Variants in PALM observed in about 807,000 individuals in gnomAD.
PALM encodes paralemmin-1.
In PALM, 18 loss-of-function variants were observed where a neutral mutation model predicts 30.7. The ratio of observed to expected loss-of-function variants is 0.59; its 90% CI spans 0.41 to 0.87. PALM has a LOEUF of 0.87. PALM is among the 40% of genes least tolerant of loss of function. The pLI is 0.00. For missense variants in PALM, 529 were observed against 555.4 expected (o/e 0.95, Z 0.48); for synonymous variants, 286 against 242.8 (o/e 1.18, Z -1.66).
At chr19:721,393 G>T (rs1256568646) in intron 1 of PALM, among the ~76,000 whole-genome samples, 1 of 152,050 alleles carries the variant, frequency 6.6e-6, no homozygotes, top group Non-Finnish European at 1.5e-5. Flanking sequence ...AGCCTCCCGA[G>T]TAGCTGGGAT....
Position 734,380 on chromosome 19 carries a change from C to T in PALM, c.442+186C>T, listed in dbSNP as rs545679532. On this transcript the variant is annotated intron_variant, in intron 6 of 8. Coordinates refer to ENST00000338448, the MANE Select transcript of PALM (RefSeq NM_002579.3). ...TTCGAGACCAGCCTGACCAACATGG[C>T]GAAACTCAGTGTCTACTGAAAAAAT... is the stretch of plus-strand genomic sequence containing the variant. 206 of 591,300 alleles carry T rather than the reference C, an allele frequency of 3.5e-4. 2 individuals are homozygous for T. In the East Asian group the frequency reaches 6.0e-3, roughly 17 times the overall value. 36.6% of individuals were successfully genotyped at this position (591,300 alleles called of 1,614,324 possible).
intron 2 of PALM, 55 bp downstream of exon 2, chr19:726,244 C>T (rs778209021): frequency 2.6e-5 from 39 of 1,511,516 alleles, no homozygotes; most frequent in Non-Finnish European, 3.6e-5. Flanking sequence ...GTGGGGGGAC[C>T]TGGGGTCTCG....
Position 736,017 on chromosome 19 carries a change from A to C in PALM, c.443-2A>C. The C allele has an allele frequency of 6.2e-7, 1 of 1,608,904 alleles. No individual in the cohort carries two copies. The highest frequency in any genetic ancestry group is 8.5e-7 in the Non-Finnish European group (1 of 1,177,384). On this transcript the variant is annotated splice_acceptor_variant, in intron 6 of 8. Transcript: ENST00000338448. LOFTEE classifies it high-confidence loss of function. Reference sequence around the variant, plus strand: ...CTCTCTCCGCTTCCACCTCCCGTGCAGACAAGCGAGTCTCCAACACGCCCC... The same window carrying C: ...CTCTCTCCGCTTCCACCTCCCGTGCCGACAAGCGAGTCTCCAACACGCCCC...
At chr19:734,317 T>G (rs767337799) in intron 6 of PALM, 123 bp downstream of exon 6, 6 of 907,580 alleles carry the variant, frequency 6.6e-6, no homozygotes, top group African/African-American at 1.7e-5. Context: ...CCCAGCACTT[T>G]GGGAGGCCGA....
At position 726,199 on chromosome 19, in the gene PALM, C is replaced by T. The variant is rs370247624; in HGVS notation, c.57+10C>T. 1.7e-5 allele frequency: 27 copies of T among 1,612,174 alleles called. No individual in the cohort carries two copies. Among genetic ancestry groups the T allele is most frequent in the African/African-American group, 1.2e-4 (9 of 75,036 alleles). ...GCTGCAGGCCATCGCAGTGAGTTTCCGCCGCCCCGCAGACGGTGTGGTCAG... is the reference window on the plus strand; with the variant it reads ...GCTGCAGGCCATCGCAGTGAGTTTCTGCCGCCCCGCAGACGGTGTGGTCAG... On this transcript the variant is annotated intron_variant, in intron 2 of 8. Coordinates refer to ENST00000338448, the MANE Select transcript of PALM (RefSeq NM_002579.3).
intron 1 of PALM, among the ~76,000 whole-genome samples, chr19:721,779 G>A (rs948849335): frequency 4.6e-5 from 7 of 151,374 alleles, no homozygotes; most frequent in African/African-American, 1.5e-4. Flanking sequence ...TGTATTTTTA[G>A]TAGAGATGGG....
intron 1 of PALM, among the ~76,000 whole-genome samples, chr19:713,306 A>C (rs1362176856): frequency 6.6e-6 from 1 of 151,798 alleles, no homozygotes; most frequent in Non-Finnish European, 1.5e-5. Flanking sequence ...GTGCCCATCC[A>C]CGCCGTTCTG....
At chr19:718,052 T>C (rs1367116555) in intron 1 of PALM, among the ~76,000 whole-genome samples, 1 of 151,922 alleles carries the variant, frequency 6.6e-6, no homozygotes, top group African/African-American at 2.4e-5. Flanking sequence ...CGTGGTGGCA[T>C]GTGCCTGTAA....
intron 1 of PALM, among the ~76,000 whole-genome samples, chr19:717,122 G>C (rs898689757): frequency 1.3e-5 from 2 of 152,158 alleles, no homozygotes; most frequent in Non-Finnish European, 2.9e-5. Context: ...TAGAGACGGG[G>C]TTTCACCATA....
intron 5 of PALM, 97 bp downstream of exon 5, chr19:731,342 A>G: frequency 9.0e-7 from 1 of 1,114,348 alleles, no homozygotes; most frequent in Non-Finnish European, 1.3e-6. Context: ...AGCTGAGGGG[A>G]CAGGCACAGA....
At position 746,749 on chromosome 19, in the gene PALM, AC is replaced by A; in HGVS notation, c.1101del (p.Thr368ProfsTer9). The part of the protein sequence containing the change: ...REENQAGPEA[T>X]TSDPQDLDMK... ...AGAGAATCAGGCGGGGCCCGAGGCC[AC>A]CACCAGCGACCCCCAGGACCTCGAC... On this transcript the variant is annotated frameshift_variant, in exon 9 of 9. Coordinates refer to ENST00000338448, the MANE Select transcript of PALM (RefSeq NM_002579.3). LOFTEE classifies it high-confidence loss of function. The surrounding 1 kb of genome is among the most constrained non-coding windows in gnomAD (Gnocchi z 7.1). The A allele has an allele frequency of 6.3e-7, 1 of 1,597,228 alleles. No individual in the cohort carries two copies. Among genetic ancestry groups the A allele is most frequent in the Non-Finnish European group, 8.5e-7 (1 of 1,174,976 alleles).
intron 8 of PALM, among the ~76,000 whole-genome samples, chr19:745,111 T>A (rs1599171566): frequency 6.6e-6 from 1 of 151,998 alleles, no homozygotes; most frequent in South Asian, 2.1e-4. Flanking sequence ...ACCTGGAAGG[T>A]GGAGGTTGCA....
At chr19:713,852 G>A (rs1460384624) in intron 1 of PALM, among the ~76,000 whole-genome samples, 1 of 151,594 alleles carries the variant, frequency 6.6e-6, no homozygotes, top group Non-Finnish European at 1.5e-5. Context: ...AAAGTGCTGG[G>A]ATTACAAGAA....
At position 741,093 on chromosome 19, in the gene PALM, C is replaced by T. The variant is rs139945225; in HGVS notation, c.634+610C>T. ...GGTTGAGGCTGTAGTGAGCCGTGAT[C>T]GCACCACTGCACTCCAACCTGGGCA... On this transcript the variant is annotated intron_variant, in intron 8 of 8. Coordinates refer to ENST00000338448, the MANE Select transcript of PALM (RefSeq NM_002579.3). 2.6e-5 allele frequency among the ~76,000 whole-genome samples: 4 copies of T among 152,052 alleles called. No homozygotes were observed. In the East Asian group the frequency reaches 5.8e-4, roughly 22 times the overall value.
At chr19:721,249 G>A (rs1440257960) in intron 1 of PALM, among the ~76,000 whole-genome samples, 1 of 152,108 alleles carries the variant, frequency 6.6e-6, no homozygotes, top group Non-Finnish European at 1.5e-5. Flanking sequence ...GAGGGACAGG[G>A]TCTGATTAAT....
At chr19:724,564 T>G (rs543469087) in intron 1 of PALM, among the ~76,000 whole-genome samples, 4 of 151,606 alleles carry the variant, frequency 2.6e-5, no homozygotes, top group Non-Finnish European at 5.9e-5. Flanking sequence ...CAGGTGATCC[T>G]CCCACCTCAG....
intron 7 of PALM, among the ~76,000 whole-genome samples, chr19:737,716 C>T (rs754736980): frequency 2.0e-5 from 3 of 152,134 alleles, no homozygotes; most frequent in African/African-American, 4.8e-5. Flanking sequence ...GCAAAGGCCC[C>T]GGGGCAGGAC....
chr19:746,959 G>T lies in PALM; in HGVS notation c.*145G>T. 1.6e-6 allele frequency: 1 copy of T among 625,282 alleles called. No individual in the cohort carries two copies. Among genetic ancestry groups the T allele is most frequent in the Non-Finnish European group, 2.8e-6 (1 of 361,054 alleles). The allele number at this position is 625,282 out of a possible 1,614,324, so 38.7% of individuals were successfully genotyped here. ...ACATGTTCCTTCCGAGTTTTCTTTCGCTGGAAAGAGGGACAGGGGCCCCCA... is the reference window on the plus strand; with the variant it reads ...ACATGTTCCTTCCGAGTTTTCTTTCTCTGGAAAGAGGGACAGGGGCCCCCA... On this transcript the variant is annotated 3_prime_UTR_variant, in exon 9 of 9. Transcript: ENST00000338448. The surrounding 1 kb of genome is among the most constrained non-coding windows in gnomAD (Gnocchi z 7.1).
rs2033145805 is a variant in PALM, at chr19:740,220, T to C, written c.503-132T>C. ...GCCGCGTCGAGAAGGTGCCCAGGCATCCCCGGCTCCGCCTGCCCCATCGCT... is the reference window on the plus strand; with the variant it reads ...GCCGCGTCGAGAAGGTGCCCAGGCACCCCCGGCTCCGCCTGCCCCATCGCT... On this transcript the variant is annotated intron_variant, in intron 7 of 8. Coordinates refer to ENST00000338448, the MANE Select transcript of PALM (RefSeq NM_002579.3). 4.6e-6 allele frequency: 4 copies of C among 864,168 alleles called. No homozygotes were observed. The South Asian group carries it at 7.3e-5, about 16-fold the overall frequency. 53.5% of individuals were successfully genotyped at this position (864,168 alleles called of 1,614,324 possible).
Sources: gnomAD v4.1 joint callset for allele counts (sites outside exome capture counted in the v4.1 genomes callset) on GRCh38, gnomAD v4.1.1 for gene constraint, Gnocchi (gnomAD v3.1) non-coding constraint, MANE v1.5 for transcripts, NCBI Gene and HGNC (gene_info 2026-07-23, HGNC 2026-07-21) for gene names.